BTC: variants seen among roughly 807,000 people sequenced by gnomAD.
BTC encodes betacellulin.
In BTC, 13 loss-of-function variants were observed where a neutral mutation model predicts 18.1. The ratio of observed to expected loss-of-function variants is 0.72; its 90% CI spans 0.47 to 1.14. The LOEUF is 1.14. Among genes scored for constraint, BTC ranks in the 50% most tolerant of loss-of-function variants. BTC has a pLI of 0.00. For missense variants in BTC, 247 were observed against 224.2 expected, an observed-to-expected ratio of 1.10 and a Z score of -0.65; for synonymous variants, 83 against 79.4, an observed-to-expected ratio of 1.05 and a Z score of -0.24.
intron 1 of BTC, among the ~76,000 whole-genome samples, chr4:74,776,882 C>T (rs900210435): frequency 6.6e-6 from 1 of 152,142 alleles, no homozygotes; most frequent in African/African-American, 2.4e-5. Flanking sequence ...TTCCTAGATA[C>T]ACTCCAAACT....
intron 2 of BTC, among the ~76,000 whole-genome samples, chr4:74,757,086 T>G (rs1197459278): frequency 6.6e-6 from 1 of 152,196 alleles, no homozygotes; most frequent in East Asian, 1.9e-4. Flanking sequence ...TCCAGATGCC[T>G]GTGGAGCCAG....
At chr4:74,779,410 C>A (rs75961339) in intron 1 of BTC, among the ~76,000 whole-genome samples, 1 of 151,940 alleles carries the variant, frequency 6.6e-6, no homozygotes, top group African/African-American at 2.4e-5. Context: ...ATAGGAACTC[C>A]AAAATAATCT....
chr4:74,782,290 G>T (rs1425359624), intron 1 of BTC, among the ~76,000 whole-genome samples: 3 of 152,060 alleles, frequency 2.0e-5, no homozygotes, highest in African/African-American at 7.2e-5. Flanking sequence ...AGTGTGTGTT[G>T]TTACCCACTA....
At chr4:74,790,949 A>G (rs1319410327) in intron 1 of BTC, among the ~76,000 whole-genome samples, 1 of 152,150 alleles carries the variant, frequency 6.6e-6, no homozygotes, top group African/African-American at 2.4e-5. Flanking sequence ...ATGAGCTTAC[A>G]TGCTTTTTAA....
At chr4:74,766,568 A>C (rs939009004) in intron 2 of BTC, among the ~76,000 whole-genome samples, 1 of 152,152 alleles carries the variant, frequency 6.6e-6, no homozygotes, top group Non-Finnish European at 1.5e-5. Flanking sequence ...ATCATAAAGA[A>C]ACAGAAAATA....
At chr4:74,767,110 TG>T (rs36013666) in intron 2 of BTC, among the ~76,000 whole-genome samples, 37,209 of 151,204 alleles carry the variant, frequency 0.25, 5,235 homozygotes, top group South Asian at 0.32. Context: ...GAATCTAAAT[TG>T]GAAAAAAAGA....
At chr4:74,780,536 A>T (rs1725290220) in intron 1 of BTC, among the ~76,000 whole-genome samples, 1 of 152,214 alleles carries the variant, frequency 6.6e-6, no homozygotes, top group Non-Finnish European at 1.5e-5. Flanking sequence ...CTTCTATCAC[A>T]GGATGGCAAT....
chr4:74,776,088 A>G (rs139345724), intron 1 of BTC, among the ~76,000 whole-genome samples: 362 of 152,300 alleles, frequency 2.4e-3, no homozygotes, highest in African/African-American at 8.3e-3. Context: ...TTACCATAAA[A>G]TGAAGCTCCT....
At position 74,746,366 on chromosome 4, in the gene BTC, ACCT is replaced by A. The variant is rs1724289308; in HGVS notation, c.*308_*310del. ...TTATTAATTCAATTCCTAAGACCTA[ACCT>A]CCTTTCTACTTTTCTTTTTTGTTTG... On this transcript the variant is annotated 3_prime_UTR_variant, in exon 6 of 6. Coordinates refer to ENST00000395743, the MANE Select transcript of BTC (RefSeq NM_001729.4). 1 of 152,320 alleles carries A rather than the reference ACCT, an allele frequency of 6.6e-6. No individual in the cohort carries two copies. The highest frequency in any genetic ancestry group is 6.6e-5 in the Admixed American group (1 of 15,242). The allele number at this position is 152,320 out of a possible 1,614,324, so 9.4% of individuals were successfully genotyped here. A position where few individuals can be genotyped will look rare whatever the true frequency, so the allele number is the denominator to read the frequency against.
intron 2 of BTC, among the ~76,000 whole-genome samples, chr4:74,756,828 G>C (rs149471170): frequency 3.9e-5 from 6 of 152,202 alleles, no homozygotes; most frequent in Non-Finnish European, 7.3e-5. Flanking sequence ...TTAGGTAAAG[G>C]CCTAATTGAT....
At chr4:74,749,666 CT>C (rs1377458068) in intron 4 of BTC, among the ~76,000 whole-genome samples, 15 of 125,466 alleles carry the variant, frequency 1.2e-4, no homozygotes, top group Admixed American at 2.7e-4. Flanking sequence ...AAAGATACCA[CT>C]TTAATAAGAT....
intron 1 of BTC, among the ~76,000 whole-genome samples, chr4:74,783,706 C>A (rs1490567296): frequency 6.7e-6 from 1 of 150,142 alleles, no homozygotes; most frequent in African/African-American, 2.5e-5. Flanking sequence ...TTACACTGGG[C>A]AGCATGACCA....
intron 1 of BTC, among the ~76,000 whole-genome samples, chr4:74,772,449 T>C (rs755498595): frequency 2.0e-5 from 3 of 152,202 alleles, no homozygotes; most frequent in Non-Finnish European, 2.9e-5. Context: ...TAATACAGAA[T>C]TTAATGAATA....
At chr4:74,772,986 G>A (rs1278039422) in intron 1 of BTC, among the ~76,000 whole-genome samples, 2 of 152,176 alleles carry the variant, frequency 1.3e-5, no homozygotes, top group African/African-American at 4.8e-5. Flanking sequence ...GGCAAAAGGA[G>A]TTTGCTGTCC....
At position 74,761,040 on chromosome 4, in the gene BTC, G is replaced by C. The variant is rs116594894; in HGVS notation, c.164-5064C>G. Among the ~76,000 whole-genome samples, 204 of 152,080 alleles carry C rather than the reference G, an allele frequency of 1.3e-3. 1 individual carries two copies. The highest frequency in any genetic ancestry group is 4.4e-3 in the African/African-American group (183 of 41,514). ...TGAGCCAATGCGCCTGGCCTAGCAT[G>C]TCTTTTAACTAGGAGGGCCCTGCCA... On this transcript the variant is annotated intron_variant, in intron 2 of 5. Transcript: ENST00000395743.
intron 5 of BTC, among the ~76,000 whole-genome samples, chr4:74,747,442 G>A (rs183743538): frequency 1.3e-4 from 20 of 152,196 alleles, no homozygotes; most frequent in African/African-American, 4.6e-4. Flanking sequence ...TCCTGCCTAG[G>A]GGACCCTCCT....
At chr4:74,781,327 C>T (rs1185705069) in intron 1 of BTC, among the ~76,000 whole-genome samples, 2 of 152,016 alleles carry the variant, frequency 1.3e-5, no homozygotes, top group East Asian at 1.9e-4. Flanking sequence ...AGTTGACTCT[C>T]ATAAGCCAAA....
In BTC at chr4:74,746,297, A is replaced by C. The variant is rs1553955475; in HGVS notation, c.*380T>G. The C allele has an allele frequency of 6.6e-6, 1 of 152,266 alleles. No homozygotes were observed. Among genetic ancestry groups the C allele is most frequent in the African/African-American group, 2.4e-5 (1 of 41,462 alleles). 9.4% of individuals were successfully genotyped at this position (152,266 alleles called of 1,614,324 possible). Reference sequence around the variant, plus strand: ...AGGAATAAAGGAAATAATATATTTCAAACTTATTAGCACATGGTAAATGCT... The same window carrying C: ...AGGAATAAAGGAAATAATATATTTCCAACTTATTAGCACATGGTAAATGCT... On this transcript the variant is annotated 3_prime_UTR_variant, in exon 6 of 6. Transcript: ENST00000395743.
At chr4:74,748,509 C>G (rs1001505670) in intron 4 of BTC, among the ~76,000 whole-genome samples, 1 of 151,798 alleles carries the variant, frequency 6.6e-6, no homozygotes, top group African/African-American at 2.4e-5. Flanking sequence ...GCACTCCAGC[C>G]TGGGCGACAG....
Sources: gnomAD v4.1 joint callset for allele counts (sites outside exome capture counted in the v4.1 genomes callset) on GRCh38, gnomAD v4.1.1 for gene constraint, MANE v1.5 for transcripts, NCBI Gene and HGNC (gene_info 2026-07-23, HGNC 2026-07-21) for gene names.